Variants in AREL1 observed in about 807,000 individuals in gnomAD.
The protein encoded by AREL1 is apoptosis resistant E3 ubiquitin protein ligase 1, also known as apoptosis-resistant E3 ubiquitin protein ligase 1.
AREL1 carries 62 observed loss-of-function variants against 99.0 expected under a neutral mutation model. The ratio of observed to expected loss-of-function variants is 0.63; its 90% CI spans 0.51 to 0.77. AREL1 has a LOEUF of 0.77. Ranked by LOEUF, AREL1 falls within the 30% of genes least tolerant of loss-of-function variation. The probability of loss-of-function intolerance (pLI) is 0.00; values close to 1 mark genes in which losing one functional copy is unlikely to be tolerated. For missense variants in AREL1, 879 were observed against 1,027.6 expected (o/e 0.86, Z 1.98); for synonymous variants, 380 against 376.5 (o/e 1.01, Z -0.11).
In AREL1 at chr14:74,669,972, A is replaced by C; in HGVS notation, c.1763T>G (p.Ile588Ser). Residue 588 changes from isoleucine to serine, a missense_variant, in exon 14 of 20, where the codon ATC becomes AGC. Coordinates refer to ENST00000356357, the MANE Select transcript of AREL1 (RefSeq NM_001039479.2). ...CTTGTAATGCATACGCAGTCCTATGATTTGGGCCAGGAAAGAGCGGGTGAA... is the reference window on the plus strand; with the variant it reads ...CTTGTAATGCATACGCAGTCCTATGCTTTGGGCCAGGAAAGAGCGGGTGAA... ...ARFTRSFLAQ[I>S]IGLRMHYKYF... is the part of the protein sequence containing the mutation. 1 of 1,612,964 alleles carries C rather than the reference A, an allele frequency of 6.2e-7. No individual in the cohort carries two copies.
rs190392028 is a variant in AREL1, at chr14:74,697,982, T to C, written c.-333-5654A>G. 8.9e-4 allele frequency among the ~76,000 whole-genome samples: 136 copies of C among 152,058 alleles called. 1 individual carries two copies. Among genetic ancestry groups the C allele is most frequent in the African/African-American group, 3.2e-3 (132 of 41,456 alleles). ...AGCATCTGTTTCACTAGAGGATGAGTGACTGGGGAGAAAAAAAAATTTCAT... is the reference window on the plus strand; with the variant it reads ...AGCATCTGTTTCACTAGAGGATGAGCGACTGGGGAGAAAAAAAAATTTCAT... On this transcript the variant is annotated intron_variant, in intron 1 of 19. Coordinates refer to ENST00000356357, the MANE Select transcript of AREL1 (RefSeq NM_001039479.2).
intron 17 of AREL1, among the ~76,000 whole-genome samples, chr14:74,665,676 T>C (rs2089196351): frequency 6.6e-6 from 1 of 152,198 alleles, no homozygotes; most frequent in African/African-American, 2.4e-5. Context: ...TTTAAAAGTA[T>C]GCCAAAAAAT....
chr14:74,671,525 T>C, intron 11 of AREL1, 42 bp from the exon 12 acceptor site: 1 of 1,351,178 alleles, frequency 7.4e-7, no homozygotes, highest in Non-Finnish European at 1.0e-6. Flanking sequence ...GAACACTGGC[T>C]GGTGTCCTCT....
intron 1 of AREL1, among the ~76,000 whole-genome samples, chr14:74,696,110 C>T (rs1236964406): frequency 1.3e-5 from 2 of 152,216 alleles, no homozygotes; most frequent in South Asian, 4.1e-4. Flanking sequence ...GTAGTTGCAG[C>T]AGAGACATAT....
chr14:74,667,399 A>AGGC, intron 16 of AREL1, 22 bp from the exon 17 acceptor site: 1 of 1,614,238 alleles, frequency 6.2e-7, no homozygotes, highest in South Asian at 1.1e-5. Flanking sequence ...TAGGCAAGTT[A>AGGC]AAGTCATACC....
intron 1 of AREL1, among the ~76,000 whole-genome samples, chr14:74,700,152 TAAC>T (rs1566702133): frequency 6.6e-6 from 1 of 152,254 alleles, no homozygotes; most frequent in African/African-American, 2.4e-5. Flanking sequence ...AGGATGATGA[TAAC>T]AAGAATCAAC....
intron 13 of AREL1, 164 bp from the exon 14 acceptor site, chr14:74,670,290 A>C: frequency 1.7e-6 from 1 of 591,816 alleles, no homozygotes; most frequent in Non-Finnish European, 2.8e-6. Flanking sequence ...GAGTAATTCA[A>C]AGTGACTAGA....
At chr14:74,667,236 A>G in intron 17 of AREL1, 83 bp downstream of exon 17, 22 of 1,536,750 alleles carry the variant, frequency 1.4e-5, no homozygotes, top group Non-Finnish European at 1.8e-5. Context: ...GCTGCATCTC[A>G]TAAGAGAAGG....
rs1437172545 is a variant in AREL1 at position 74,712,971 on chromosome 14, G to A, written c.-372C>T. 1.4e-6 allele frequency: 1 copy of A among 734,534 alleles called. No individual in the cohort carries two copies. Among genetic ancestry groups the A allele is most frequent in the Admixed American group, 2.0e-5 (1 of 49,704 alleles). 45.5% of individuals were successfully genotyped at this position (734,534 alleles called of 1,614,324 possible). A position where few individuals can be genotyped will look rare whatever the true frequency, so the allele number is the denominator to read the frequency against. On this transcript the variant is annotated 5_prime_UTR_variant, in exon 1 of 20. Coordinates refer to ENST00000356357, the MANE Select transcript of AREL1 (RefSeq NM_001039479.2). ...TGCAGCGCGACGAAGTTCCACCTCCGCTGTCCTGGGAAGGGGCGGCAGCAC... is the reference window on the plus strand; with the variant it reads ...TGCAGCGCGACGAAGTTCCACCTCCACTGTCCTGGGAAGGGGCGGCAGCAC...
intron 11 of AREL1, chr14:74,672,136 G>T: frequency 2.8e-6 from 1 of 362,650 alleles, no homozygotes; most frequent in East Asian, 8.7e-5. Flanking sequence ...AATTCAACAA[G>T]CGCTCTATTC....
intron 1 of AREL1, among the ~76,000 whole-genome samples, chr14:74,696,602 T>C (rs2089983376): frequency 6.6e-6 from 1 of 152,176 alleles, no homozygotes; most frequent in South Asian, 2.1e-4. Flanking sequence ...CCCAACACTT[T>C]AGGAGGCTGA....
chr14:74,676,487 A>G (rs993882492), intron 6 of AREL1, 96 bp downstream of exon 6: 236 of 1,458,524 alleles, frequency 1.6e-4, no homozygotes, highest in Non-Finnish European at 2.1e-4. Flanking sequence ...GAAGTCAAGG[A>G]GAAGGAAAGA....
At chr14:74,691,772 C>T (rs781671171) in intron 2 of AREL1, among the ~76,000 whole-genome samples, 61 of 152,160 alleles carry the variant, frequency 4.0e-4, no homozygotes, top group Admixed American at 3.3e-3. Flanking sequence ...ATTCTAAAAT[C>T]CTCTGCTTTT....
Position 74,676,299 on chromosome 14 carries a change from C to A in AREL1, c.674G>T (p.Ser225Ile). The A allele has an allele frequency of 3.7e-6, 6 of 1,614,104 alleles. No homozygotes were observed. Among genetic ancestry groups the A allele is most frequent in the Non-Finnish European group, 5.1e-6 (6 of 1,180,000 alleles). ...IHELGPQEEE[S>I]TGVSFEKSVT... Reference sequence around the variant, plus strand: ...TGATTTCTCAAATGAGACACCAGTACTCTCTTCTTCTTGAGGGCCGAGCTA... The same window carrying A: ...TGATTTCTCAAATGAGACACCAGTAATCTCTTCTTCTTGAGGGCCGAGCTA... Residue 225 changes from serine (S) to isoleucine (I), a missense_variant, in exon 7 of 20, where the codon AGT (serine) becomes ATT (isoleucine). Coordinates refer to ENST00000356357, the MANE Select transcript of AREL1 (RefSeq NM_001039479.2).
Position 74,670,094 on chromosome 14 carries a change from C to A in AREL1, c.1641G>T (p.Leu547=), listed in dbSNP as rs779854887. The A allele has an allele frequency of 6.2e-7, 1 of 1,612,872 alleles. No homozygotes were observed. The change falls in exon 14 of 20, where the codon CTG becomes CTT. Residue 547 remains leucine (L), a synonymous_variant. Transcript: ENST00000356357. ...CCGCAAACTCATACATTTTCAGGCG[C>A]AGATGAGCGGGGCGATTAGGGTTGG... The part of the protein sequence containing the change: ...VHPNPNRPAH[L]RLKMYEFAGR...
In AREL1 at chr14:74,667,396, G is replaced by A. The variant is rs756201444; in HGVS notation, c.2045-19C>T. ...TTCAGGCCTGAAACAAAGTAGGCAAGTTAAAGTCATACCCACACCATGGAT... is the reference window on the plus strand; with the variant it reads ...TTCAGGCCTGAAACAAAGTAGGCAAATTAAAGTCATACCCACACCATGGAT... On this transcript the variant is annotated intron_variant, in intron 16 of 19. Coordinates refer to ENST00000356357, the MANE Select transcript of AREL1 (RefSeq NM_001039479.2). 2.5e-6 allele frequency: 4 copies of A among 1,614,166 alleles called. No individual in the cohort carries two copies. In the South Asian group the frequency reaches 4.4e-5, roughly 18 times the overall value.
At chr14:74,680,804 T>G (rs2089610852) in intron 5 of AREL1, among the ~76,000 whole-genome samples, 1 of 152,186 alleles carries the variant, frequency 6.6e-6, no homozygotes, top group Admixed American at 6.5e-5. Flanking sequence ...CTGAAGCATT[T>G]AGGGTTTCAG....
Position 74,683,307 on chromosome 14 carries a change from A to C in AREL1, c.470T>G (p.Ile157Ser). 6.2e-7 allele frequency: 1 copy of C among 1,609,888 alleles called. No individual in the cohort carries two copies. Among genetic ancestry groups the C allele is most frequent in the Non-Finnish European group, 8.5e-7 (1 of 1,176,884 alleles). Reference protein sequence around the residue: ...LNVAYSPYYKIFQPGMVVPSK... With the variant: ...LNVAYSPYYKSFQPGMVVPSK... ...AAAAAAGAACCTACCAGGTTGAAAAATTTTGTAGTAGGGACTATATGCCAC... is the reference window on the plus strand; with the variant it reads ...AAAAAAGAACCTACCAGGTTGAAAACTTTTGTAGTAGGGACTATATGCCAC... Residue 157 changes from isoleucine to serine, a missense_variant, in exon 5 of 20, where the codon ATT (isoleucine) becomes AGT (serine). By Grantham distance (142) the Ile-to-Ser change is moderately radical. Transcript: ENST00000356357.
intron 8 of AREL1, among the ~76,000 whole-genome samples, chr14:74,674,469 G>C (rs2089426616): frequency 6.6e-6 from 1 of 152,122 alleles, no homozygotes; most frequent in Admixed American, 6.6e-5. Flanking sequence ...GGGTGCGGTA[G>C]CTCATGCCTG....
Sources: gnomAD v4.1 joint callset for allele counts (sites outside exome capture counted in the v4.1 genomes callset) on GRCh38, gnomAD v4.1.1 for gene constraint, MANE v1.5 for transcripts, NCBI Gene and HGNC (gene_info 2026-07-23, HGNC 2026-07-21) for gene names.